Variants in SUGCT observed in about 807,000 individuals in gnomAD.
SUGCT encodes succinyl-CoA:glutarate CoA-transferase.
Under a neutral mutation model 55.0 loss-of-function variants are expected in SUGCT, and 41 were observed. That is an observed-to-expected ratio of 0.74 (90% CI 0.58 to 0.97). SUGCT has a LOEUF of 0.97. Ranked by LOEUF, SUGCT falls within the 50% of genes least tolerant of loss-of-function variation. SUGCT has a pLI of 0.00. For synonymous variants in SUGCT, 187 were observed against 200.4 expected, an observed-to-expected ratio of 0.93 and a Z score of 0.56; for missense variants, 568 against 547.8, an observed-to-expected ratio of 1.04 and a Z score of -0.37.
intron 1 of SUGCT, among the ~76,000 whole-genome samples, chr7:40,161,695 A>G (rs1482473782): frequency 6.6e-6 from 1 of 152,074 alleles, no homozygotes; most frequent in Non-Finnish European, 1.5e-5. Flanking sequence ...TGCAGTGATC[A>G]TTTCCCCTCC....
At chr7:40,468,155 A>G (rs970938536) in intron 11 of SUGCT, among the ~76,000 whole-genome samples, 3 of 152,000 alleles carry the variant, frequency 2.0e-5, no homozygotes, top group Admixed American at 2.0e-4. Flanking sequence ...CTTAATTGCT[A>G]CCCTGTGTTA....
intron 7 of SUGCT, among the ~76,000 whole-genome samples, chr7:40,238,941 C>T (rs1562601290): frequency 6.6e-6 from 1 of 151,914 alleles, no homozygotes; most frequent in Non-Finnish European, 1.5e-5. Flanking sequence ...CTGCCTCAGC[C>T]TCCCGAGTAG....
At chr7:41,000,583 G>T in the SUGCT span, among the ~76,000 whole-genome samples, 2 of 151,894 alleles carry the variant, frequency 1.3e-5, no homozygotes, top group African/African-American at 4.8e-5. Flanking sequence ...GCTATATTGT[G>T]TTTTGTAAGC....
At chr7:40,496,523 A>G (rs1791984709) in intron 12 of SUGCT, 137 bp downstream of exon 12, 1 of 669,792 alleles carries the variant, frequency 1.5e-6, no homozygotes, top group African/African-American at 1.8e-5. Context: ...TGTGGGTCTG[A>G]GATAAAAAGA....
chr7:40,809,500 A>G (rs2128756123), intron 13 of SUGCT, among the ~76,000 whole-genome samples: 1 of 152,268 alleles, frequency 6.6e-6, no homozygotes, highest in Non-Finnish European at 1.5e-5. Flanking sequence ...AGAATCTAGA[A>G]TTAACTTAAA....
intron 8 of SUGCT, among the ~76,000 whole-genome samples, chr7:40,302,776 G>T (rs763569426): frequency 2.6e-5 from 4 of 152,044 alleles, no homozygotes; most frequent in Admixed American, 6.5e-5. Context: ...ACGTTGCATT[G>T]TACAGGATGT....
chr7:40,930,594 T>C, the SUGCT span, among the ~76,000 whole-genome samples: 10 of 151,722 alleles, frequency 6.6e-5, no homozygotes, highest in South Asian at 4.2e-4. Context: ...TCTTTTATTT[T>C]GTTGAGCAGT....
Position 40,359,850 on chromosome 7 carries a change from A to G in SUGCT, c.816+42995A>G, listed in dbSNP as rs915842449. On this transcript the variant is annotated intron_variant, in intron 9 of 13. Coordinates refer to ENST00000335693, the MANE Select transcript of SUGCT (RefSeq NM_001193313.2). ...TATTTACATTAAAATGACAGATTTT[A>G]TACTTTAATATTTTAAAATTTAAAA... 3.3e-5 allele frequency among the ~76,000 whole-genome samples: 5 copies of G among 152,222 alleles called. No individual in the cohort carries two copies. In the South Asian group the frequency reaches 8.3e-4, roughly 25 times the overall value.
At chr7:40,235,220 A>G (rs1185245185) in intron 6 of SUGCT, among the ~76,000 whole-genome samples, 1 of 152,166 alleles carries the variant, frequency 6.6e-6, no homozygotes, top group East Asian at 1.9e-4. Flanking sequence ...ATTTGTGACA[A>G]AGATCATTTC....
rs145268991 is a variant in SUGCT, at chr7:40,242,668, C to T, written c.576+4942C>T. On this transcript the variant is annotated intron_variant, in intron 7 of 13. Transcript: ENST00000335693. ...TCTGCATGCTGCTTGATATTTGTTA[C>T]GATGTAGTAAATAGTCCATTTGAAA... Among the ~76,000 whole-genome samples, 24 of 151,624 alleles carry T rather than the reference C, an allele frequency of 1.6e-4. No individual in the cohort carries two copies. In the East Asian group the frequency reaches 1.9e-3, roughly 12 times the overall value.
chr7:40,673,027 T>C (rs1185919986), intron 12 of SUGCT, among the ~76,000 whole-genome samples: 1 of 152,236 alleles, frequency 6.6e-6, no homozygotes, highest in Admixed American at 6.5e-5. Flanking sequence ...AGTTTGTGTT[T>C]TCCAGAATTT....
chr7:40,500,901 A>G (rs1045479782), intron 12 of SUGCT, among the ~76,000 whole-genome samples: 2 of 152,004 alleles, frequency 1.3e-5, no homozygotes, highest in Admixed American at 1.3e-4. Flanking sequence ...ACACATACAC[A>G]TACACACAAA....
chr7:40,821,115 C>T (rs1791971047), intron 13 of SUGCT, among the ~76,000 whole-genome samples: 1 of 152,126 alleles, frequency 6.6e-6, no homozygotes, highest in Admixed American at 6.5e-5. Context: ...GGATGAAGCC[C>T]ACTTGATCAT....
At chr7:40,892,539 A>G in the SUGCT span, among the ~76,000 whole-genome samples, 1 of 152,160 alleles carries the variant, frequency 6.6e-6, no homozygotes, top group Non-Finnish European at 1.5e-5. Context: ...AATTAAAATT[A>G]AAGTTTTTTT....
intron 12 of SUGCT, among the ~76,000 whole-genome samples, chr7:40,563,860 T>C (rs1366273474): frequency 6.6e-6 from 1 of 152,160 alleles, no homozygotes; most frequent in Non-Finnish European, 1.5e-5. Context: ...TAGAATATGA[T>C]CTGAAAGGCC....
At chr7:40,189,060 A>C (rs1348097875) in intron 4 of SUGCT, among the ~76,000 whole-genome samples, 1 of 152,136 alleles carries the variant, frequency 6.6e-6, no homozygotes, top group Non-Finnish European at 1.5e-5. Flanking sequence ...AAGAACTTTC[A>C]TGGCTGGGCA....
intron 12 of SUGCT, among the ~76,000 whole-genome samples, chr7:40,496,879 TTTGATGAATATGTG>T (rs1326987452): frequency 8.1e-6 from 1 of 123,824 alleles, no homozygotes; most frequent in Non-Finnish European, 1.7e-5. Context: ...CTTTGTTTGC[TTTGATGAATATGTG>T]TTATTTGTAA....
chr7:40,217,083 C>T (rs1787707129), intron 6 of SUGCT, among the ~76,000 whole-genome samples: 1 of 152,066 alleles, frequency 6.6e-6, no homozygotes, highest in African/African-American at 2.4e-5. Flanking sequence ...GAGTTTGCTG[C>T]ACTGAGGTTT....
chr7:40,934,012 G>A, the SUGCT span, among the ~76,000 whole-genome samples: 4 of 152,152 alleles, frequency 2.6e-5, no homozygotes, highest in Admixed American at 6.5e-5. Context: ...GAGGAGAAGA[G>A]GCACTTTGCT....
Sources: allele counts gnomAD v4.1 joint callset (sites outside exome capture counted in the v4.1 genomes callset), GRCh38; gene constraint gnomAD v4.1.1; transcripts MANE v1.5; gene names NCBI Gene and HGNC (gene_info 2026-07-23, HGNC 2026-07-21).